Variants in ATP6V1H observed in about 807,000 individuals in gnomAD.
The protein encoded by ATP6V1H is ATPase H+ transporting V1 subunit H.
ATP6V1H carries 39 observed loss-of-function variants against 71.7 expected under a neutral mutation model. That is an observed-to-expected ratio of 0.54 (90% CI 0.42 to 0.71). The LOEUF is 0.71. Among genes scored for constraint, ATP6V1H ranks in the 30% least tolerant of loss-of-function variants. ATP6V1H has a pLI of 0.00. For missense variants in ATP6V1H, 509 were observed against 594.9 expected (o/e 0.86, Z 1.50); for synonymous variants, 192 against 199.3 (o/e 0.96, Z 0.31).
chr8:53,747,530 T>TC (rs1347906722), intron 12 of ATP6V1H, among the ~76,000 whole-genome samples: 1 of 151,734 alleles, frequency 6.6e-6, no homozygotes, highest in Non-Finnish European at 1.5e-5. Flanking sequence ...AAAGCTCTTT[T>TC]TTTTTTTTTC....
intron 9 of ATP6V1H, among the ~76,000 whole-genome samples, chr8:53,776,815 G>A (rs1397120301): frequency 6.6e-6 from 1 of 152,012 alleles, no homozygotes; most frequent in African/African-American, 2.4e-5. Flanking sequence ...AGAAAAAAAC[G>A]GTACCAATAA....
chr8:53,754,848 T>A (rs1198375874), intron 12 of ATP6V1H, among the ~76,000 whole-genome samples: 1 of 152,108 alleles, frequency 6.6e-6, no homozygotes, highest in African/African-American at 2.4e-5. Context: ...GTTCAAATAA[T>A]TGAGTCCTTA....
chr8:53,797,056 A>C (rs1809765775), intron 8 of ATP6V1H, among the ~76,000 whole-genome samples: 1 of 152,244 alleles, frequency 6.6e-6, no homozygotes, highest in African/African-American at 2.4e-5. Flanking sequence ...TCAGTACATA[A>C]ACTGCTATAA....
chr8:53,765,500 C>A (rs1326322683), intron 11 of ATP6V1H, among the ~76,000 whole-genome samples: 4 of 124,782 alleles, frequency 3.2e-5, no homozygotes, highest in South Asian at 2.7e-4. Flanking sequence ...CACACACACA[C>A]AAGACCATCA....
chr8:53,813,995 CG>C, intron 6 of ATP6V1H, among the ~76,000 whole-genome samples: 1 of 152,138 alleles, frequency 6.6e-6, no homozygotes, highest in Non-Finnish European at 1.5e-5. Context: ...GCTGGAAGCA[CG>C]GGAGGGACTT....
chr8:53,819,639 A>T (rs867802978), intron 4 of ATP6V1H, among the ~76,000 whole-genome samples: 23 of 101,552 alleles, frequency 2.3e-4, no homozygotes, highest in Admixed American at 4.9e-4. Flanking sequence ...TGTATATACA[A>T]ATGTATATAT....
chr8:53,771,353 C>T (rs1051170986), intron 10 of ATP6V1H, among the ~76,000 whole-genome samples: 1 of 152,008 alleles, frequency 6.6e-6, no homozygotes, highest in Non-Finnish European at 1.5e-5. Flanking sequence ...TGGAAAAGAT[C>T]ATCAAGATAT....
At chr8:53,762,238 G>A (rs1052084623) in intron 11 of ATP6V1H, among the ~76,000 whole-genome samples, 5 of 150,586 alleles carry the variant, frequency 3.3e-5, no homozygotes, top group African/African-American at 1.2e-4. Context: ...GTGAAAAACT[G>A]TAATACAAGA....
At position 53,784,897 on chromosome 8, in the gene ATP6V1H, C is replaced by T. The variant is rs1031830943; in HGVS notation, c.870+10750G>A. Among the ~76,000 whole-genome samples the T allele has an allele frequency of 8.6e-5, 13 of 152,016 alleles. 1 individual carries two copies. The highest frequency in any genetic ancestry group is 2.4e-4 in the African/African-American group (10 of 41,476). ...CTCTTCTTGCTTGTAGAGTTTCTGC[C>T]GAGAGATCCACTGTTAGTCTGATGG... On this transcript the variant is annotated intron_variant, in intron 9 of 13. Transcript: ENST00000359530.
At chr8:53,833,758 T>C (rs543879806) in intron 2 of ATP6V1H, among the ~76,000 whole-genome samples, 1 of 151,956 alleles carries the variant, frequency 6.6e-6, no homozygotes, top group Admixed American at 6.5e-5. Flanking sequence ...CAATCGAGAG[T>C]CCCATCTTCC....
chr8:53,734,839 A>T (rs903191693), intron 13 of ATP6V1H, among the ~76,000 whole-genome samples: 1 of 152,200 alleles, frequency 6.6e-6, no homozygotes, highest in Admixed American at 6.5e-5. Flanking sequence ...TTCTAATGAA[A>T]AAAAAAAGGA....
At chr8:53,752,920 T>A (rs1327072854) in intron 12 of ATP6V1H, among the ~76,000 whole-genome samples, 1 of 152,154 alleles carries the variant, frequency 6.6e-6, no homozygotes, top group Non-Finnish European at 1.5e-5. Context: ...ATAATTCCAA[T>A]ACTTGACATG....
chr8:53,781,767 A>G (rs1809144802), intron 9 of ATP6V1H, among the ~76,000 whole-genome samples: 1 of 152,076 alleles, frequency 6.6e-6, no homozygotes, highest in African/African-American at 2.4e-5. Context: ...ATGGCTAGCC[A>G]GTTTTCCCAG....
At chr8:53,782,194 G>C (rs937626941) in intron 9 of ATP6V1H, among the ~76,000 whole-genome samples, 28 of 152,028 alleles carry the variant, frequency 1.8e-4, no homozygotes, top group African/African-American at 6.8e-4. Context: ...TCTTCCATTT[G>C]TTTGTATCCT....
At chr8:53,833,651 C>T (rs756712291) in intron 2 of ATP6V1H, among the ~76,000 whole-genome samples, 1 of 152,200 alleles carries the variant, frequency 6.6e-6, no homozygotes, top group Admixed American at 6.5e-5. Context: ...TTCCAGGGGT[C>T]GCTTCATCAC....
chr8:53,766,659 G>C (rs1405561673), intron 11 of ATP6V1H, among the ~76,000 whole-genome samples: 1 of 152,182 alleles, frequency 6.6e-6, no homozygotes, highest in African/African-American at 2.4e-5. Context: ...CCTAGGGGTA[G>C]GTCTCTGAAC....
intron 12 of ATP6V1H, among the ~76,000 whole-genome samples, chr8:53,755,995 G>A (rs1314495803): frequency 7.0e-6 from 1 of 143,200 alleles, no homozygotes; most frequent in African/African-American, 2.6e-5. Flanking sequence ...CTGACCTTGT[G>A]ATCCGCCCGC....
At chr8:53,737,802 A>G (rs1439214644) in intron 13 of ATP6V1H, among the ~76,000 whole-genome samples, 1 of 152,272 alleles carries the variant, frequency 6.6e-6, no homozygotes, top group African/African-American at 2.4e-5. Context: ...ATTTAAATGG[A>G]ATAAAAATTC....
chr8:53,814,630 T>C (rs1266929744), intron 6 of ATP6V1H, 32 bp downstream of exon 6: 3 of 1,212,652 alleles, frequency 2.5e-6, no homozygotes, highest in African/African-American at 3.0e-5. Context: ...GTTATATTCC[T>C]TTCAAAGGTA....
Sources: gnomAD v4.1 joint callset for allele counts (sites outside exome capture counted in the v4.1 genomes callset) on GRCh38, gnomAD v4.1.1 for gene constraint, MANE v1.5 for transcripts, NCBI Gene and HGNC (gene_info 2026-07-23, HGNC 2026-07-21) for gene names.